The following CCDC85A variants were observed in gnomAD, a reference collection of about 807,000 sequenced individuals.
The protein encoded by CCDC85A is coiled-coil domain-containing protein 85A.
Under a neutral mutation model 50.2 loss-of-function variants are expected in CCDC85A, and 38 were observed. The ratio of observed to expected loss-of-function variants is 0.76; its 90% CI spans 0.58 to 0.99. CCDC85A has a LOEUF of 0.99. Among genes scored for constraint, CCDC85A ranks in the 50% least tolerant of loss-of-function variants. The probability of loss-of-function intolerance (pLI) is 0.00; values close to 1 mark genes in which losing one functional copy is unlikely to be tolerated. For synonymous variants in CCDC85A, 366 were observed against 301.4 expected, an observed-to-expected ratio of 1.21 and a Z score of -2.22; for missense variants, 820 against 742.0, an observed-to-expected ratio of 1.11 and a Z score of -1.22.
At chr2:56,244,687 C>G (rs2103974535) in intron 2 of CCDC85A, among the ~76,000 whole-genome samples, 1 of 151,714 alleles carries the variant, frequency 6.6e-6, no homozygotes, top group East Asian at 2.0e-4. Flanking sequence ...ACATTGGAAG[C>G]CAGCACATCT....
At chr2:56,365,335 C>T (rs193122511) in intron 3 of CCDC85A, among the ~76,000 whole-genome samples, 1 of 152,238 alleles carries the variant, frequency 6.6e-6, no homozygotes, top group East Asian at 1.9e-4. Flanking sequence ...CAGTTATGTG[C>T]CTGGAGTGGA....
chr2:56,200,573 A>T (rs1345980252), intron 2 of CCDC85A, among the ~76,000 whole-genome samples: 1 of 152,174 alleles, frequency 6.6e-6, no homozygotes, highest in Non-Finnish European at 1.5e-5. Context: ...AGTGCCGTTC[A>T]AGTGTTTCCA....
chr2:56,203,352 G>C (rs1179749897), intron 2 of CCDC85A, among the ~76,000 whole-genome samples: 1 of 150,244 alleles, frequency 6.7e-6, no homozygotes, highest in Non-Finnish European at 1.5e-5. Context: ...GGAAGAACAG[G>C]CTTGAAAATT....
At chr2:56,231,775 A>T (rs1053421918) in intron 2 of CCDC85A, among the ~76,000 whole-genome samples, 2 of 152,088 alleles carry the variant, frequency 1.3e-5, no homozygotes, top group African/African-American at 4.8e-5. Flanking sequence ...TTTATCAGGG[A>T]TGTTTGTAGT....
At position 56,294,196 on chromosome 2, in the gene CCDC85A, C is replaced by G. The variant is rs370257104; in HGVS notation, c.1241-48683C>G. Among the ~76,000 whole-genome samples the G allele has an allele frequency of 2.5e-3, 374 of 152,238 alleles. 3 individuals carry two copies. The highest frequency in any genetic ancestry group is 6.8e-3 in the Middle Eastern group (2 of 294). On this transcript the variant is annotated intron_variant, in intron 2 of 5. Transcript: ENST00000407595. ...GCAAAGTAACGCAGGAACAGAAAAT[C>G]AAACACCGAATGTTCTCACTTATAA...
intron 2 of CCDC85A, among the ~76,000 whole-genome samples, chr2:56,228,557 G>C (rs764596533): frequency 1.3e-5 from 2 of 150,654 alleles, no homozygotes; most frequent in East Asian, 1.9e-4. Context: ...TTTTGAGACA[G>C]AGTTTCGCTC....
Position 56,237,347 on chromosome 2 carries a change from G to T in CCDC85A, c.1240+43907G>T, listed in dbSNP as rs76806073. On this transcript the variant is annotated intron_variant, in intron 2 of 5. Transcript: ENST00000407595. ...ACAGGCAGGCCCAGCTCATTTGGTTGGGAAAGTTGTGTACAGGAGGCAGAA... is the reference window on the plus strand; with the variant it reads ...ACAGGCAGGCCCAGCTCATTTGGTTTGGAAAGTTGTGTACAGGAGGCAGAA... Among the ~76,000 whole-genome samples, 591 of 152,284 alleles carry T rather than the reference G, an allele frequency of 3.9e-3. 2 individuals are homozygous for T. Among genetic ancestry groups the T allele is most frequent in the African/African-American group, 0.014 (571 of 41,570 alleles).
chr2:56,244,407 G>A (rs1371215903), intron 2 of CCDC85A, among the ~76,000 whole-genome samples: 1 of 151,986 alleles, frequency 6.6e-6, no homozygotes, highest in Non-Finnish European at 1.5e-5. Context: ...AGGTACAAGT[G>A]CCTTTCAGTC....
chr2:56,363,351 T>C lies in CCDC85A; in HGVS notation c.1318-8993T>C, dbSNP rs75866899. 9.4e-3 allele frequency among the ~76,000 whole-genome samples: 1,438 copies of C among 152,332 alleles called. 26 individuals are homozygous for C. The highest frequency in any genetic ancestry group is 0.033 in the African/African-American group (1,375 of 41,584). ...GATTCATTTTGGCTACTCTCGTTTC[T>C]GTAAACATTTAAGCATAAGATCATT... is the stretch of plus-strand genomic sequence containing the variant. On this transcript the variant is annotated intron_variant, in intron 3 of 5. Coordinates refer to ENST00000407595, the MANE Select transcript of CCDC85A (RefSeq NM_001080433.2).
At chr2:56,336,304 C>G (rs1244323399) in intron 2 of CCDC85A, among the ~76,000 whole-genome samples, 1 of 152,076 alleles carries the variant, frequency 6.6e-6, no homozygotes, top group Admixed American at 6.6e-5. Flanking sequence ...CAGGCATGCA[C>G]CACCACACCT....
intron 3 of CCDC85A, among the ~76,000 whole-genome samples, chr2:56,357,083 A>G (rs967303966): frequency 6.6e-6 from 1 of 151,994 alleles, no homozygotes; most frequent in African/African-American, 2.4e-5. Context: ...CATCTCAAAA[A>G]AAAAAAAAAA....
intron 2 of CCDC85A, among the ~76,000 whole-genome samples, chr2:56,325,191 GATTC>G (rs1673403259): frequency 6.6e-6 from 1 of 151,954 alleles, no homozygotes; most frequent in Non-Finnish European, 1.5e-5. Flanking sequence ...TAAAATTTAA[GATTC>G]ATTTATGGCC....
In CCDC85A at chr2:56,255,562, T is replaced by G. The variant is rs191090893; in HGVS notation, c.1240+62122T>G. 1.9e-3 allele frequency among the ~76,000 whole-genome samples: 283 copies of G among 152,236 alleles called. 1 individual carries two copies. The highest frequency in any genetic ancestry group is 3.6e-3 in the Non-Finnish European group (243 of 68,020). On this transcript the variant is annotated intron_variant, in intron 2 of 5. Transcript: ENST00000407595. ...AGCAAAGGATAGTGATTGGGAGTTT[T>G]CACAGCCAGGATAAGGGGCCTTTCA...
intron 2 of CCDC85A, among the ~76,000 whole-genome samples, chr2:56,311,534 T>C (rs1234335017): frequency 2.0e-5 from 3 of 152,110 alleles, no homozygotes; most frequent in East Asian, 1.9e-4. Context: ...TTGTTACATA[T>C]GTATACATGT....
intron 2 of CCDC85A, among the ~76,000 whole-genome samples, chr2:56,255,319 G>A (rs773732434): frequency 2.3e-4 from 35 of 152,172 alleles, no homozygotes; most frequent in Non-Finnish European, 4.3e-4. Flanking sequence ...GTGATTTGTT[G>A]GCTGCTAAAA....
chr2:56,326,496 C>G (rs984013427), intron 2 of CCDC85A, among the ~76,000 whole-genome samples: 1 of 152,104 alleles, frequency 6.6e-6, no homozygotes, highest in Non-Finnish European at 1.5e-5. Context: ...AAATGAACTT[C>G]AAGGTCAGCA....
At chr2:56,316,157 A>G (rs1412363798) in intron 2 of CCDC85A, among the ~76,000 whole-genome samples, 1 of 152,166 alleles carries the variant, frequency 6.6e-6, no homozygotes, top group Non-Finnish European at 1.5e-5. Context: ...CTGAGATTAT[A>G]CATTTCAAAT....
intron 2 of CCDC85A, among the ~76,000 whole-genome samples, chr2:56,254,279 C>T (rs552359828): frequency 6.6e-6 from 1 of 151,936 alleles, no homozygotes; most frequent in African/African-American, 2.4e-5. Context: ...TCGGAGGGTT[C>T]CCAGCAGTTT....
chr2:56,374,073 G>A (rs1489499224), intron 4 of CCDC85A, among the ~76,000 whole-genome samples: 3 of 152,168 alleles, frequency 2.0e-5, no homozygotes, highest in Non-Finnish European at 2.9e-5. Context: ...GAAAACAAAT[G>A]TTTTAATTTC....
Sources: gnomAD v4.1 joint callset for allele counts (sites outside exome capture counted in the v4.1 genomes callset) on GRCh38, gnomAD v4.1.1 for gene constraint, MANE v1.5 for transcripts, NCBI Gene and HGNC (gene_info 2026-07-23, HGNC 2026-07-21) for gene names.